Variants in NUAK1 observed in about 807,000 individuals in gnomAD.
The protein encoded by NUAK1 is NUAK family kinase 1, also known as NUAK family SNF1-like kinase 1.
In NUAK1, 26 loss-of-function variants were observed where a neutral mutation model predicts 56.9. That is an observed-to-expected ratio of 0.46 (90% CI 0.33 to 0.63). The LOEUF is 0.63. Among genes scored for constraint, NUAK1 ranks in the 30% least tolerant of loss-of-function variants. The pLI is 0.02. For missense variants in NUAK1, 727 were observed against 876.1 expected (o/e 0.83, Z 2.15); for synonymous variants, 337 against 336.0 (o/e 1.00, Z -0.03).
chr12:106,129,939 G>A (rs1282304935), intron 1 of NUAK1, among the ~76,000 whole-genome samples: 1 of 152,110 alleles, frequency 6.6e-6, no homozygotes, highest in African/African-American at 2.4e-5. Flanking sequence ...AAGTCTGTCT[G>A]ATTCGACAGC....
intron 1 of NUAK1, among the ~76,000 whole-genome samples, chr12:106,126,083 G>C (rs2033022382): frequency 6.6e-6 from 1 of 152,116 alleles, no homozygotes; most frequent in South Asian, 2.1e-4. Context: ...GTGTTTGATA[G>C]AAAGTAATAA....
At chr12:106,130,384 G>C (rs181683610) in intron 1 of NUAK1, among the ~76,000 whole-genome samples, 31 of 152,310 alleles carry the variant, frequency 2.0e-4, no homozygotes, top group Non-Finnish European at 3.8e-4. Context: ...TCAATGGCAG[G>C]ACTTGTAATA....
chr12:106,063,700 T>A lies in NUAK1; in HGVS notation c.*3102A>T, dbSNP rs907599297. 1 of 151,686 alleles carries A rather than the reference T, an allele frequency of 6.6e-6. No individual in the cohort carries two copies. Among genetic ancestry groups the A allele is most frequent in the Non-Finnish European group, 1.5e-5 (1 of 67,874 alleles). The allele number at this position is 151,686 out of a possible 1,614,324, so 9.4% of individuals were successfully genotyped here. On this transcript the variant is annotated 3_prime_UTR_variant, in exon 7 of 7. Transcript: ENST00000261402. ...AATGTGGATTTTTTTTTTTTTTTAA[T>A]GTGCAGTCAAGTTTCTCTCTTTTTT...
intron 1 of NUAK1, among the ~76,000 whole-genome samples, chr12:106,125,378 T>A (rs1164009891): frequency 6.6e-6 from 1 of 152,190 alleles, no homozygotes; most frequent in African/African-American, 2.4e-5. Flanking sequence ...GTGCTTTAAG[T>A]CCGGCTCCAA....
intron 2 of NUAK1, among the ~76,000 whole-genome samples, chr12:106,090,285 C>T (rs939728603): frequency 4.6e-5 from 7 of 152,264 alleles, no homozygotes; most frequent in Admixed American, 3.9e-4. Context: ...CCAAGTCTCA[C>T]GGTCAAGGCC....
chr12:106,098,259 G>A (rs929314095), intron 2 of NUAK1, among the ~76,000 whole-genome samples: 4 of 152,170 alleles, frequency 2.6e-5, no homozygotes, highest in Non-Finnish European at 5.9e-5. Context: ...AACTGATAGT[G>A]CACTCATCCA....
chr12:106,079,754 T>A (rs938300483), intron 4 of NUAK1, among the ~76,000 whole-genome samples: 3 of 152,260 alleles, frequency 2.0e-5, no homozygotes, highest in Admixed American at 2.0e-4. Context: ...TACTGCTGTG[T>A]CTCCAACTGG....
intron 4 of NUAK1, among the ~76,000 whole-genome samples, chr12:106,081,034 T>C (rs1248754468): frequency 2.0e-5 from 3 of 152,212 alleles, no homozygotes; most frequent in African/African-American, 7.2e-5. Context: ...CTGAATCACA[T>C]TTTTTTAAAA....
rs972251077 is a variant in NUAK1 at position 106,115,384 on chromosome 12, G to C, written c.241-8859C>G. Among the ~76,000 whole-genome samples the C allele has an allele frequency of 2.0e-5, 3 of 152,294 alleles. No individual in the cohort carries two copies. The East Asian group carries it at 5.8e-4, about 29-fold the overall frequency. ...ATTCTGCAGAAGTTATTTTTATCCA[G>C]ACAGAATCTCTTCTGTTTAGAAAAC... On this transcript the variant is annotated intron_variant, in intron 1 of 6. Coordinates refer to ENST00000261402, the MANE Select transcript of NUAK1 (RefSeq NM_014840.3).
At chr12:106,125,381 G>A (rs537774695) in intron 1 of NUAK1, among the ~76,000 whole-genome samples, 15 of 152,246 alleles carry the variant, frequency 9.9e-5, no homozygotes, top group East Asian at 1.9e-4. Flanking sequence ...CTTTAAGTCC[G>A]GCTCCAACAG....
chr12:106,085,310 T>C (rs909159718), intron 3 of NUAK1, among the ~76,000 whole-genome samples: 2 of 152,340 alleles, frequency 1.3e-5, no homozygotes, highest in South Asian at 2.1e-4. Context: ...CAAAATATTA[T>C]ACGATTCAAA....
intron 6 of NUAK1, among the ~76,000 whole-genome samples, chr12:106,068,333 T>A (rs2136455102): frequency 6.6e-6 from 1 of 152,398 alleles, no homozygotes; most frequent in Admixed American, 6.5e-5. Context: ...AATATCATTT[T>A]ACCAGAGGAA....
At chr12:106,075,318 C>CACACACAGAGAG (rs142856878) in intron 4 of NUAK1, among the ~76,000 whole-genome samples, 1 of 146,744 alleles carries the variant, frequency 6.8e-6, no homozygotes, top group Non-Finnish European at 1.5e-5. Flanking sequence ...CACACACACA[C>CACACACAGAGAG]AGAGAGAGAG....
Position 106,070,901 on chromosome 12 carries a change from G to C in NUAK1, c.705C>G (p.Asp235Glu). 6.2e-7 allele frequency: 1 copy of C among 1,614,104 alleles called. No homozygotes were observed. Among genetic ancestry groups the C allele is most frequent in the Non-Finnish European group, 8.5e-7 (1 of 1,180,002 alleles). ...AAAGCAACACACCCAGGGCCCAGCT[G>C]TCCACCTGGAGCAGAGAGACAGCAC... ...NGRPYRGPEVDSWALGVLLYT... is the reference protein window; with the variant it reads ...NGRPYRGPEVESWALGVLLYT... The change falls in exon 6 of 7, where the codon GAC becomes GAG. Residue 235 changes from aspartate to glutamate, a missense_variant. Transcript: ENST00000261402.
chr12:106,086,512 G>C (rs889265881), intron 3 of NUAK1, among the ~76,000 whole-genome samples: 2 of 152,178 alleles, frequency 1.3e-5, no homozygotes, highest in Non-Finnish European at 2.9e-5. Flanking sequence ...AAATAAATGT[G>C]AGAAGGAGGA....
At chr12:106,092,051 T>C (rs1427995873) in intron 2 of NUAK1, among the ~76,000 whole-genome samples, 1 of 151,576 alleles carries the variant, frequency 6.6e-6, no homozygotes, top group South Asian at 2.1e-4. Flanking sequence ...ATAAAATAAA[T>C]AAATAAATAG....
intron 5 of NUAK1, among the ~76,000 whole-genome samples, chr12:106,071,633 C>T (rs961623244): frequency 6.6e-6 from 1 of 152,106 alleles, no homozygotes; most frequent in Non-Finnish European, 1.5e-5. Flanking sequence ...TTAATAAAAA[C>T]TAAGGTGGCC....
At chr12:106,126,636 T>C (rs1293930232) in intron 1 of NUAK1, among the ~76,000 whole-genome samples, 3 of 152,188 alleles carry the variant, frequency 2.0e-5, no homozygotes, top group African/African-American at 7.2e-5. Context: ...TCTTCAAGGA[T>C]GAAATAGTAG....
intron 4 of NUAK1, among the ~76,000 whole-genome samples, chr12:106,076,058 A>G (rs1276996602): frequency 6.6e-6 from 1 of 152,274 alleles, no homozygotes; most frequent in African/African-American, 2.4e-5. Flanking sequence ...AAAAATATTA[A>G]GTAAAATAGC....
Sources: allele counts gnomAD v4.1 joint callset (sites outside exome capture counted in the v4.1 genomes callset), GRCh38; gene constraint gnomAD v4.1.1; transcripts MANE v1.5; gene names NCBI Gene and HGNC (gene_info 2026-07-23, HGNC 2026-07-21).